The following SFMBT2 variants were observed in gnomAD, a reference collection of about 807,000 sequenced individuals.
SFMBT2 encodes Scm like with four mbt domains 2, also known as scm-like with four MBT domains protein 2.
SFMBT2 carries 38 observed loss-of-function variants against 110.1 expected under a neutral mutation model. The ratio of observed to expected loss-of-function variants is 0.35; its 90% CI spans 0.27 to 0.45. The LOEUF (loss-of-function observed/expected upper bound fraction) is 0.45. Ranked by LOEUF, SFMBT2 falls within the 20% of genes least tolerant of loss-of-function variation. The pLI is 1.00. For synonymous variants in SFMBT2, 425 were observed against 425.4 expected (o/e 1.00, Z 0.01); for missense variants, 1,011 against 1,094.9 (o/e 0.92, Z 1.08).
rs1340732162 is a variant in SFMBT2 at position 7,172,045 on chromosome 10, G to A, written c.2265C>T (p.Ala755=). 1.2e-5 allele frequency: 19 copies of A among 1,594,030 alleles called. No individual in the cohort carries two copies. The highest frequency in any genetic ancestry group is 1.6e-5 in the Non-Finnish European group (19 of 1,170,738). The change falls in exon 19 of 21, where the codon GCC becomes GCT. Residue 755 remains alanine, a synonymous_variant. Transcript: ENST00000397167. This position sits in a 1 kb window ranked among gnomAD's most constrained non-coding sequence, Gnocchi z 4.6. ...TDTSSAEVPS[A]RPRRAVTLRS... ...GCAGGGTGACGGCCCTCCGGGGCCG[G>A]GCCGAGGGCACCTCCGCCGACGAGG...
intron 6 of SFMBT2, among the ~76,000 whole-genome samples, chr10:7,281,560 C>A (rs780629941): frequency 5.3e-5 from 8 of 152,198 alleles, no homozygotes; most frequent in Non-Finnish European, 8.8e-5. Flanking sequence ...TCACACAAGT[C>A]ACCGTGGGAC....
chr10:7,258,990 T>TA (rs1841118079), intron 7 of SFMBT2, among the ~76,000 whole-genome samples: 1 of 152,172 alleles, frequency 6.6e-6, no homozygotes, highest in South Asian at 2.1e-4. Context: ...TCAATCAAGT[T>TA]AAAAAATAGT....
chr10:7,241,242 A>G, intron 9 of SFMBT2: 1 of 758,780 alleles, frequency 1.3e-6, no homozygotes, highest in Non-Finnish European at 1.6e-6. Context: ...CTTCTCCTAT[A>G]TAAATTACCC....
At chr10:7,378,227 G>A (rs1311647000) in intron 2 of SFMBT2, among the ~76,000 whole-genome samples, 44 of 21,366 alleles carry the variant, frequency 2.1e-3, no homozygotes, top group African/African-American at 6.8e-3. Context: ...ATGGATGGGT[G>A]TGAGTGTGGG....
At chr10:7,324,340 C>T (rs1368322490) in intron 4 of SFMBT2, among the ~76,000 whole-genome samples, 1 of 152,114 alleles carries the variant, frequency 6.6e-6, no homozygotes, top group Non-Finnish European at 1.5e-5. Flanking sequence ...CTAAACACTG[C>T]GGTTCAGCAA....
chr10:7,171,654 C>T lies in SFMBT2; in HGVS notation c.2415+241G>A. 1.0e-5 allele frequency: 9 copies of T among 866,814 alleles called. No individual in the cohort carries two copies. Among genetic ancestry groups the T allele is most frequent in the Non-Finnish European group, 1.1e-5 (8 of 721,844 alleles). The allele number at this position is 866,814 out of a possible 1,614,324, so 53.7% of individuals were successfully genotyped here. A position where few individuals can be genotyped will look rare whatever the true frequency, so the allele number is the denominator to read the frequency against. On this transcript the variant is annotated intron_variant, in intron 19 of 20. Coordinates refer to ENST00000397167, the MANE Select transcript of SFMBT2 (RefSeq NM_001387889.1). The surrounding 1 kb of genome is among the most constrained non-coding windows in gnomAD (Gnocchi z 4.9). Reference sequence around the variant, plus strand: ...CTCCTCCTGACAAGAACCCAGGTGGCACTAAAGCCGTCCAGGAAAGAGGCG... The same window carrying T: ...CTCCTCCTGACAAGAACCCAGGTGGTACTAAAGCCGTCCAGGAAAGAGGCG...
chr10:7,325,641 C>T (rs1015436166), intron 4 of SFMBT2, among the ~76,000 whole-genome samples: 9 of 152,210 alleles, frequency 5.9e-5, no homozygotes, highest in Non-Finnish European at 1.2e-4. Context: ...AAATAAAGCA[C>T]ACTTCAGTAG....
intron 11 of SFMBT2, among the ~76,000 whole-genome samples, chr10:7,208,701 GAA>G (rs147832810): frequency 7.1e-6 from 1 of 140,714 alleles, no homozygotes; most frequent in Non-Finnish European, 1.6e-5. Flanking sequence ...AAAAAAAAAA[GAA>G]AAAAAAAAAG....
At chr10:7,391,642 T>G (rs950310937) in intron 1 of SFMBT2, among the ~76,000 whole-genome samples, 2 of 152,172 alleles carry the variant, frequency 1.3e-5, no homozygotes, top group South Asian at 2.1e-4. Context: ...TTCCTTCCTA[T>G]AAGAGATAGA....
chr10:7,401,457 A>G (rs1846080732), intron 1 of SFMBT2, among the ~76,000 whole-genome samples: 1 of 152,334 alleles, frequency 6.6e-6, no homozygotes, highest in East Asian at 1.9e-4. Context: ...TATAAATACA[A>G]TATGTACTAT....
Position 7,248,605 on chromosome 10 carries a change from C to T in SFMBT2, c.915G>A (p.Lys305=), listed in dbSNP as rs746576919. Residue 305 remains lysine, a synonymous_variant, in exon 8 of 21, where the codon AAG becomes AAA. Transcript: ENST00000397167. Reference sequence around the variant, plus strand: ...GCTCGCACATATTCACTGTCTCAAGCTTCATCCCAACTGTGAAGAAATGGC... The same window carrying T: ...GCTCGCACATATTCACTGTCTCAAGTTTCATCCCAACTGTGAAGAAATGGC... ...LRSHFFTVGM[K]LETVNMCEPF... 5 of 1,614,204 alleles carry T rather than the reference C, an allele frequency of 3.1e-6. No homozygotes were observed. The South Asian group carries it at 5.5e-5, about 18-fold the overall frequency.
chr10:7,409,027 C>G (rs1846298571), intron 1 of SFMBT2, among the ~76,000 whole-genome samples: 1 of 152,048 alleles, frequency 6.6e-6, no homozygotes, highest in African/African-American at 2.4e-5. Context: ...AGGAAGGCAA[C>G]CCCTCGCCTC....
chr10:7,173,393 G>A (rs1325175573), intron 17 of SFMBT2, among the ~76,000 whole-genome samples: 1 of 152,188 alleles, frequency 6.6e-6, no homozygotes, highest in East Asian at 1.9e-4. Context: ...GTCCTGGCAT[G>A]AGGGACTCCC....
chr10:7,309,793 G>A (rs1842798492), intron 4 of SFMBT2, among the ~76,000 whole-genome samples: 1 of 152,162 alleles, frequency 6.6e-6, no homozygotes, highest in Non-Finnish European at 1.5e-5. Context: ...ATCCTTTCAA[G>A]AAAGGAGGAG....
At chr10:7,191,708 A>G (rs1248350671) in intron 15 of SFMBT2, among the ~76,000 whole-genome samples, 2 of 152,266 alleles carry the variant, frequency 1.3e-5, no homozygotes, top group Non-Finnish European at 2.9e-5. Context: ...CCACTAAGAC[A>G]TAAGCAGCAG....
intron 1 of SFMBT2, among the ~76,000 whole-genome samples, chr10:7,392,269 C>T (rs1048362571): frequency 1.3e-5 from 2 of 152,142 alleles, no homozygotes; most frequent in Non-Finnish European, 2.9e-5. Context: ...AATCCCAACA[C>T]TTTGGGAGGC....
At chr10:7,228,375 T>TA in intron 9 of SFMBT2, 13 of 698,210 alleles carry the variant, frequency 1.9e-5, no homozygotes, top group Non-Finnish European at 2.1e-5. Flanking sequence ...AAATAAAAAA[T>TA]TAAAAAAAAA....
intron 1 of SFMBT2, among the ~76,000 whole-genome samples, chr10:7,403,141 C>T (rs1161722599): frequency 6.6e-6 from 1 of 152,184 alleles, no homozygotes; most frequent in African/African-American, 2.4e-5. Flanking sequence ...ATGTAAGCTT[C>T]ATTGAAAAGC....
At chr10:7,263,223 C>A (rs972462232) in intron 7 of SFMBT2, among the ~76,000 whole-genome samples, 1 of 149,980 alleles carries the variant, frequency 6.7e-6, no homozygotes, top group Non-Finnish European at 1.5e-5. Context: ...ATCAAAACAG[C>A]CTCTATTTCT....
Sources: allele counts gnomAD v4.1 joint callset (sites outside exome capture counted in the v4.1 genomes callset), GRCh38; gene constraint gnomAD v4.1.1; non-coding constraint Gnocchi (gnomAD v3.1); transcripts MANE v1.5; gene names NCBI Gene and HGNC (gene_info 2026-07-23, HGNC 2026-07-21).